Variants in VPS33A observed in about 807,000 individuals in gnomAD.
The protein encoded by VPS33A is vacuolar protein sorting-associated protein 33A.
In VPS33A, 32 loss-of-function variants were observed where a neutral mutation model predicts 71.8. That is an observed-to-expected ratio of 0.45 (90% CI 0.34 to 0.60). VPS33A has a LOEUF of 0.60. Ranked by LOEUF, VPS33A falls within the 20% of genes least tolerant of loss-of-function variation. VPS33A has a pLI of 0.02. For missense variants in VPS33A, 625 were observed against 748.5 expected (o/e 0.84, Z 1.92); for synonymous variants, 311 against 292.7 (o/e 1.06, Z -0.64).
intron 3 of VPS33A, among the ~76,000 whole-genome samples, chr12:122,263,343 G>A (rs553989366): frequency 4.9e-4 from 75 of 152,166 alleles, no homozygotes; most frequent in African/African-American, 1.8e-3. Flanking sequence ...TAGTCACCCT[G>A]TTGTGCTATC....
chr12:122,248,937 C>G (rs1954809905), intron 6 of VPS33A: 1 of 152,152 alleles, frequency 6.6e-6, no homozygotes, highest in Non-Finnish European at 1.5e-5. Flanking sequence ...GTCACTGAAT[C>G]CTAGTGTCTG....
intron 11 of VPS33A, 78 bp from the exon 12 acceptor site, chr12:122,233,046 C>T: frequency 1.4e-6 from 2 of 1,391,606 alleles, no homozygotes; most frequent in Non-Finnish European, 1.9e-6. Context: ...TTGGGTAATC[C>T]AAAATTATTT....
At chr12:122,239,747 CTCAAAA>C (rs1339078666) in intron 9 of VPS33A, 125 bp downstream of exon 9, 23 of 324,154 alleles carry the variant, frequency 7.1e-5, no homozygotes, top group East Asian at 1.0e-4. Context: ...GAGACTCCGT[CTCAAAA>C]AAAAAAAAAA....
chr12:122,249,749 A>G, intron 6 of VPS33A, 122 bp downstream of exon 6: 1 of 1,012,068 alleles, frequency 9.9e-7, no homozygotes, highest in African/African-American at 1.7e-5. Flanking sequence ...TACACTCTGA[A>G]TCATTAAAAT....
In VPS33A at chr12:122,235,861, C is replaced by A; in HGVS notation, c.1365G>T (p.Pro455=). 6.2e-7 allele frequency: 1 copy of A among 1,613,496 alleles called. No individual in the cohort carries two copies. Among genetic ancestry groups the A allele is most frequent in the Non-Finnish European group, 8.5e-7 (1 of 1,179,790 alleles). Residue 455 remains proline (P), a synonymous_variant, in exon 11 of 13, where the codon CCG becomes CCT. Transcript: ENST00000267199. ...HNLEKAGLLK[P]QTGGRNNYPT... ...GGTAATTGTTTCTGCCCCCCGTCTG[C>A]GGTTTCAGCAGGCCGGCCTTCTCCA...
chr12:122,242,891 G>A (rs900042879), intron 7 of VPS33A, among the ~76,000 whole-genome samples: 2 of 151,982 alleles, frequency 1.3e-5, no homozygotes, highest in Non-Finnish European at 2.9e-5. Flanking sequence ...TTGTTCAGAG[G>A]ATGTTTCATT....
At chr12:122,264,428 T>A (rs1955039989) in intron 1 of VPS33A, among the ~76,000 whole-genome samples, 1 of 152,206 alleles carries the variant, frequency 6.6e-6, no homozygotes. Flanking sequence ...TCTTGCTGTG[T>A]TGCCCAGGCT....
chr12:122,238,553 C>G, intron 10 of VPS33A, 34 bp downstream of exon 10: 1 of 1,591,924 alleles, frequency 6.3e-7, no homozygotes, highest in Non-Finnish European at 8.5e-7. Flanking sequence ...ATGCTGTCCC[C>G]CTTGGCAAAT....
In VPS33A at chr12:122,266,361, G is replaced by T. The variant is rs746312862; in HGVS notation, c.48C>A (p.Arg16=). The T allele has an allele frequency of 6.2e-7, 1 of 1,613,534 alleles. No homozygotes were observed. Among genetic ancestry groups the T allele is most frequent in the Non-Finnish European group, 8.5e-7 (1 of 1,179,964 alleles). The change falls in exon 1 of 13, where the codon CGC becomes CGA. Residue 16 remains arginine (R), a synonymous_variant. Transcript: ENST00000267199. ...SYGRVNLNVL[R]EAVRRELREF... ...CGCGCAGCTCGCGACGCACCGCCTC[G>T]CGCAACACGTTTAGGTTCACTCGGC...
chr12:122,260,303 G>A lies in VPS33A; in HGVS notation c.483+958C>T, dbSNP rs187639504. Among the ~76,000 whole-genome samples, 203 of 150,044 alleles carry A rather than the reference G, an allele frequency of 1.4e-3. 2 individuals are homozygous for A. The highest frequency in any genetic ancestry group is 4.6e-3 in the African/African-American group (188 of 40,852). ...TTGTGAGTTTTTTTTTTTGTTTTTT[G>A]TTTTTTGTTTTTTTGAGATAGAGTC... is the stretch of plus-strand genomic sequence containing the variant. On this transcript the variant is annotated intron_variant, in intron 4 of 12. Coordinates refer to ENST00000267199, the MANE Select transcript of VPS33A (RefSeq NM_022916.6).
At chr12:122,244,232 G>C (rs547730402) in intron 7 of VPS33A, among the ~76,000 whole-genome samples, 1 of 152,248 alleles carries the variant, frequency 6.6e-6, no homozygotes, top group East Asian at 1.9e-4. Context: ...TATTATAGAG[G>C]ATTCTTTATT....
chr12:122,236,375 C>T (rs986416815), intron 10 of VPS33A, among the ~76,000 whole-genome samples: 1 of 152,112 alleles, frequency 6.6e-6, no homozygotes, highest in Non-Finnish European at 1.5e-5. Context: ...CATGCTGGCT[C>T]ACACCTGTAA....
chr12:122,254,160 C>G (rs748280000), intron 4 of VPS33A, among the ~76,000 whole-genome samples: 5 of 152,138 alleles, frequency 3.3e-5, no homozygotes, highest in Non-Finnish European at 5.9e-5. Context: ...GGGCAGAACT[C>G]TAATTCCCAC....
At chr12:122,238,078 G>A (rs1461054694) in intron 10 of VPS33A, among the ~76,000 whole-genome samples, 2 of 151,542 alleles carry the variant, frequency 1.3e-5, no homozygotes, top group East Asian at 2.0e-4. Context: ...TGCCCAGCCT[G>A]TTAGCTATTA....
In VPS33A at chr12:122,261,337, T is replaced by A; in HGVS notation, c.407A>T (p.His136Leu). The A allele has an allele frequency of 6.2e-7, 1 of 1,614,074 alleles. No homozygotes were observed. The highest frequency in any genetic ancestry group is 1.6e-4 in the Middle Eastern group (1 of 6,062). The change falls in exon 4 of 13, where the codon CAC (histidine) becomes CTC (leucine). Residue 136 changes from histidine (H) to leucine (L), a missense_variant. By Grantham distance (99) the His-to-Leu change is moderately conservative (BLOSUM62 -3). Coordinates refer to ENST00000267199, the MANE Select transcript of VPS33A (RefSeq NM_022916.6). The part of the protein sequence containing the change: ...KDLGVLGSFI[H>L]REEYSLDLIP... ...GAGATCTAAGCTGTACTCCTCCCTG[T>A]GAATAAAGGATCCCAAGACACCCAG...
chr12:122,261,959 G>A (rs1308109161), intron 3 of VPS33A, among the ~76,000 whole-genome samples: 2 of 151,664 alleles, frequency 1.3e-5, no homozygotes, highest in South Asian at 2.1e-4. Flanking sequence ...CCGAGACCAC[G>A]CCACTGCATT....
intron 10 of VPS33A, among the ~76,000 whole-genome samples, chr12:122,237,840 T>C (rs1403542255): frequency 6.6e-6 from 1 of 151,864 alleles, no homozygotes; most frequent in African/African-American, 2.4e-5. Context: ...TTACTTTTTG[T>C]AAACAAGCTA....
chr12:122,232,245 C>G lies in VPS33A; in HGVS notation c.*1G>C. ...CACTTGTTAAGTCTCCTCTGAACAT[C>G]CTAGAAAGGTTTTTCCATCAGAGCC... On this transcript the variant is annotated 3_prime_UTR_variant, in exon 13 of 13. Coordinates refer to ENST00000267199, the MANE Select transcript of VPS33A (RefSeq NM_022916.6). 1 of 1,609,836 alleles carries G rather than the reference C, an allele frequency of 6.2e-7. No individual in the cohort carries two copies. Among genetic ancestry groups the G allele is most frequent in the Non-Finnish European group, 8.5e-7 (1 of 1,178,232 alleles).
rs760630180 is a variant in VPS33A, at chr12:122,232,279, A to G, written c.1758T>C (p.Ser586=). 1.2e-6 allele frequency: 2 copies of G among 1,613,940 alleles called. No homozygotes were observed. Among genetic ancestry groups the G allele is most frequent in the Non-Finnish European group, 8.5e-7 (1 of 1,179,972 alleles). Residue 586 remains serine (S), a synonymous_variant, in exon 13 of 13, where the codon AGT becomes AGC. Transcript: ENST00000267199. ...GTTTTTCCATCAGAGCCTCTATCCAACTGGTTCCATTCATTAGTTTAGTGG... is the reference window on the plus strand; with the variant it reads ...GTTTTTCCATCAGAGCCTCTATCCAGCTGGTTCCATTCATTAGTTTAGTGG... The part of the protein sequence containing the change: ...IATTKLMNGT[S]WIEALMEKPF
Sources: gnomAD v4.1 joint callset for allele counts (sites outside exome capture counted in the v4.1 genomes callset) on GRCh38, gnomAD v4.1.1 for gene constraint, MANE v1.5 for transcripts, NCBI Gene and HGNC (gene_info 2026-07-23, HGNC 2026-07-21) for gene names.